Variants in ESYT2 observed in about 807,000 individuals in gnomAD.
ESYT2 encodes extended synaptotagmin 2.
In ESYT2, 54 loss-of-function variants were observed where a neutral mutation model predicts 107.2. The observed-to-expected ratio is 0.50, with a 90% CI of 0.40 to 0.63. The LOEUF is 0.63. Ranked by LOEUF, ESYT2 falls within the 30% of genes least tolerant of loss-of-function variation. The pLI is 0.00. For missense variants in ESYT2, 1,020 were observed against 1,094.5 expected (o/e 0.93, Z 0.96); for synonymous variants, 491 against 434.1 (o/e 1.13, Z -1.63).
rs151196752 is a variant in ESYT2, at chr7:158,823,896, T to C, written c.330+5193A>G. Among the ~76,000 whole-genome samples the C allele has an allele frequency of 2.7e-3, 411 of 152,326 alleles. 1 individual carries two copies. Among genetic ancestry groups the C allele is most frequent in the African/African-American group, 9.6e-3 (401 of 41,576 alleles). Reference sequence around the variant, plus strand: ...CTTATAAAATATATTATGTTTTAAGTGTATATATCCATATAAACTATTTAT... The same window carrying C: ...CTTATAAAATATATTATGTTTTAAGCGTATATATCCATATAAACTATTTAT... On this transcript the variant is annotated intron_variant, in intron 1 of 22. Coordinates refer to ENST00000275418, the MANE Select transcript of ESYT2 (RefSeq NM_001367773.1).
intron 1 of ESYT2, among the ~76,000 whole-genome samples, chr7:158,826,982 G>A (rs1457385322): frequency 6.6e-6 from 1 of 151,136 alleles, no homozygotes; most frequent in African/African-American, 2.4e-5. Context: ...GGCCAACATG[G>A]TGAAACCCTG....
intron 10 of ESYT2, 93 bp from the exon 11 acceptor site, chr7:158,761,637 A>G: frequency 8.6e-7 from 1 of 1,166,596 alleles, no homozygotes; most frequent in African/African-American, 1.5e-5. Flanking sequence ...TCTTCCTGAA[A>G]CAACCTTAAG....
intron 9 of ESYT2, 25 bp from the exon 10 acceptor site, chr7:158,763,190 AAGT>A: frequency 6.3e-7 from 1 of 1,584,154 alleles, no homozygotes; most frequent in South Asian, 1.1e-5. Context: ...GTTAGTAGTT[AAGT>A]GCATTTTTAC....
At chr7:158,786,678 A>G (rs1839127234) in intron 6 of ESYT2, among the ~76,000 whole-genome samples, 1 of 152,272 alleles carries the variant, frequency 6.6e-6, no homozygotes, top group South Asian at 2.1e-4. Context: ...AAGCTGTAGT[A>G]AACTTAGTTT....
chr7:158,824,105 T>G (rs1283358008), intron 1 of ESYT2, among the ~76,000 whole-genome samples: 5 of 152,200 alleles, frequency 3.3e-5, no homozygotes, highest in South Asian at 2.1e-4. Flanking sequence ...TTAGCCATCT[T>G]GGGGCATTAA....
chr7:158,751,529 G>A (rs1486162567), intron 14 of ESYT2, among the ~76,000 whole-genome samples: 1 of 152,096 alleles, frequency 6.6e-6, no homozygotes, highest in African/African-American at 2.4e-5. Flanking sequence ...CCTAAATATT[G>A]CATCTATCTG....
Position 158,734,140 on chromosome 7 carries a change from G to C in ESYT2, c.*67C>G, listed in dbSNP as rs767454680. On this transcript the variant is annotated 3_prime_UTR_variant, in exon 23 of 23. Coordinates refer to ENST00000275418, the MANE Select transcript of ESYT2 (RefSeq NM_001367773.1). ...TTATAAAAATAACATTGGTACGTCT[G>C]TGAGAGGGTGTGTTCCGGGTAGAGG... is the stretch of plus-strand genomic sequence containing the variant. The C allele has an allele frequency of 2.0e-6, 3 of 1,525,500 alleles. No individual in the cohort carries two copies. Among genetic ancestry groups the C allele is most frequent in the Non-Finnish European group, 2.7e-6 (3 of 1,101,220 alleles). 94.5% of individuals were successfully genotyped at this position (1,525,500 alleles called of 1,614,324 possible).
chr7:158,781,587 TTGAGTA>T (rs1838815401), intron 6 of ESYT2, among the ~76,000 whole-genome samples: 1 of 129,948 alleles, frequency 7.7e-6, no homozygotes, highest in Admixed American at 7.7e-5. Flanking sequence ...TGTGAGAGGT[TTGAGTA>T]TAAGACCGAG....
intron 20 of ESYT2, among the ~76,000 whole-genome samples, chr7:158,736,802 A>T (rs777822155): frequency 6.6e-6 from 1 of 152,220 alleles, no homozygotes; most frequent in Non-Finnish European, 1.5e-5. Flanking sequence ...CAGTAACCTG[A>T]TCTTTATTTA....
intron 18 of ESYT2, among the ~76,000 whole-genome samples, chr7:158,739,794 C>A (rs905603138): frequency 1.5e-5 from 2 of 129,320 alleles, no homozygotes; most frequent in Non-Finnish European, 3.0e-5. Flanking sequence ...TTATTTATAC[C>A]CCCCCCTTCG....
intron 12 of ESYT2, 138 bp from the exon 13 acceptor site, chr7:158,759,719 T>A: frequency 1.5e-6 from 1 of 653,566 alleles, no homozygotes; most frequent in South Asian, 2.1e-5. Context: ...GAGACAGAAC[T>A]AAAACAATAA....
chr7:158,782,817 T>A (rs1479163526), intron 6 of ESYT2, among the ~76,000 whole-genome samples: 1 of 152,046 alleles, frequency 6.6e-6, no homozygotes, highest in Non-Finnish European at 1.5e-5. Context: ...TGAGAACAAG[T>A]CTGTGAGAAT....
intron 17 of ESYT2, 66 bp from the exon 18 acceptor site, chr7:158,741,962 G>A: frequency 6.9e-7 from 1 of 1,459,138 alleles, no homozygotes. Context: ...TACTGGAACA[G>A]CCTGGGATGT....
chr7:158,799,157 A>C, intron 1 of ESYT2, 85 bp from the exon 2 acceptor site: 1 of 1,219,694 alleles, frequency 8.2e-7, no homozygotes, highest in Non-Finnish European at 1.2e-6. Context: ...TATTCTCATC[A>C]TACGTCCTAT....
intron 1 of ESYT2, among the ~76,000 whole-genome samples, chr7:158,826,113 T>G (rs148742220): frequency 6.6e-6 from 1 of 152,152 alleles, no homozygotes; most frequent in African/African-American, 2.4e-5. Flanking sequence ...TTGATGTGCT[T>G]TGACCACCCC....
chr7:158,791,761 T>A (rs1052585964), intron 4 of ESYT2, among the ~76,000 whole-genome samples: 3 of 152,356 alleles, frequency 2.0e-5, no homozygotes, highest in Middle Eastern at 3.4e-3. Flanking sequence ...CATTTTTGAA[T>A]AGGGCTGTTT....
At chr7:158,756,770 G>A (rs1324327099) in intron 13 of ESYT2, among the ~76,000 whole-genome samples, 2 of 151,890 alleles carry the variant, frequency 1.3e-5, no homozygotes. Flanking sequence ...TTAGCCAGGC[G>A]TCGTGGTGGG....
rs77530984 is a variant in ESYT2 at position 158,794,069 on chromosome 7, C to T, written c.508-343G>A. Among the ~76,000 whole-genome samples, 807 of 152,368 alleles carry T rather than the reference C, an allele frequency of 5.3e-3. 43 individuals carry two copies. In the East Asian group the frequency reaches 0.12, roughly 22 times the overall value. ...CAGCACATGTAACAATACGTATGTG[C>T]TCTTTTCAAGCTTCTTACTCTCGTC... On this transcript the variant is annotated intron_variant, in intron 3 of 22. Coordinates refer to ENST00000275418, the MANE Select transcript of ESYT2 (RefSeq NM_001367773.1).
At chr7:158,798,771 T>C (rs1839548836) in intron 2 of ESYT2, among the ~76,000 whole-genome samples, 1 of 151,996 alleles carries the variant, frequency 6.6e-6, no homozygotes, top group Non-Finnish European at 1.5e-5. Context: ...GAGCCCTGGC[T>C]GTTCAGAAAA....
Sources: allele counts gnomAD v4.1 joint callset (sites outside exome capture counted in the v4.1 genomes callset), GRCh38; gene constraint gnomAD v4.1.1; transcripts MANE v1.5; gene names NCBI Gene and HGNC (gene_info 2026-07-23, HGNC 2026-07-21).